SGCD: variants seen among roughly 807,000 people sequenced by gnomAD.
SGCD encodes the protein sarcoglycan delta.
A neutral mutation model predicts 36.6 loss-of-function variants in SGCD; 18 were observed. The observed-to-expected ratio is 0.49, with a 90% confidence interval of 0.34 to 0.73. The LOEUF (loss-of-function observed/expected upper bound fraction) is 0.73. Ranked by LOEUF, SGCD falls within the 30% of genes least tolerant of loss-of-function variation. The pLI, the probability that SGCD is intolerant of heterozygous loss-of-function variation, is 0.01. For synonymous variants in SGCD, 133 were observed against 130.6 expected, an observed-to-expected ratio of 1.02 and a Z score of -0.12; for missense variants, 387 against 346.7, an observed-to-expected ratio of 1.12 and a Z score of -0.92.
At chr5:156,358,333 G>A (rs1042038851) in intron 3 of SGCD, among the ~76,000 whole-genome samples, 2 of 152,150 alleles carry the variant, frequency 1.3e-5, no homozygotes, top group African/African-American at 2.4e-5. Context: ...TTGGCAGGGA[G>A]GAGACAGCAG....
chr5:155,814,698 A>G, the SGCD span, among the ~76,000 whole-genome samples: 3 of 152,222 alleles, frequency 2.0e-5, no homozygotes, highest in African/African-American at 7.2e-5. Flanking sequence ...AGGGATATCA[A>G]TACTTTAAAC....
intron 1 of SGCD, among the ~76,000 whole-genome samples, chr5:156,028,825 G>A (rs907711938): frequency 7.2e-5 from 11 of 152,138 alleles, no homozygotes; most frequent in African/African-American, 2.4e-5. Context: ...AGAGAATACA[G>A]CATGATGTCG....
At chr5:156,718,656 G>T (rs1007364010) in intron 7 of SGCD, among the ~76,000 whole-genome samples, 2 of 151,686 alleles carry the variant, frequency 1.3e-5, no homozygotes, top group South Asian at 4.2e-4. Flanking sequence ...AGGGATAATA[G>T]TAGTATCTAT....
At chr5:156,445,543 G>A (rs1753723665) in intron 3 of SGCD, among the ~76,000 whole-genome samples, 1 of 152,148 alleles carries the variant, frequency 6.6e-6, no homozygotes, top group African/African-American at 2.4e-5. Context: ...TCATGATTGA[G>A]AATGAGATGT....
At chr5:156,673,405 C>T (rs2113663903) in intron 7 of SGCD, among the ~76,000 whole-genome samples, 1 of 152,304 alleles carries the variant, frequency 6.6e-6, no homozygotes, top group African/African-American at 2.4e-5. Context: ...TTTGAAGCCC[C>T]TGGCCTACGG....
chr5:155,818,327 AG>A, the SGCD span, among the ~76,000 whole-genome samples: 1 of 152,078 alleles, frequency 6.6e-6, no homozygotes, highest in Non-Finnish European at 1.5e-5. Flanking sequence ...TATTCCAAAA[AG>A]AAAGGCCAGC....
chr5:156,418,182 A>G (rs77533129), intron 3 of SGCD, among the ~76,000 whole-genome samples: 3,095 of 152,300 alleles, frequency 0.02, 49 homozygotes, highest in Non-Finnish European at 0.031. Context: ...CGGACTCCCA[A>G]TACAGTGCCC....
chr5:156,623,662 C>T (rs554159667), intron 6 of SGCD, among the ~76,000 whole-genome samples: 1 of 152,294 alleles, frequency 6.6e-6, no homozygotes, highest in African/African-American at 2.4e-5. Flanking sequence ...TGTATTATAT[C>T]ATGGGCTTGT....
chr5:156,123,783 C>T (rs1762106065), intron 2 of SGCD: 1 of 152,034 alleles, frequency 6.6e-6, no homozygotes, highest in Non-Finnish European at 1.5e-5. Context: ...ACCAAATGGC[C>T]TTTAATTTAA....
At chr5:156,622,980 G>A (rs1762312850) in intron 6 of SGCD, among the ~76,000 whole-genome samples, 1 of 152,012 alleles carries the variant, frequency 6.6e-6, no homozygotes, top group Admixed American at 6.6e-5. Flanking sequence ...ATATTTTGGG[G>A]TAGCATGTCC....
intron 1 of SGCD, among the ~76,000 whole-genome samples, chr5:155,928,997 A>T (rs999528558): frequency 1.3e-5 from 2 of 152,160 alleles, no homozygotes; most frequent in Non-Finnish European, 2.9e-5. Flanking sequence ...AAATGTTAAA[A>T]GTAATATTTT....
chr5:155,753,885 C>T, the SGCD span, among the ~76,000 whole-genome samples: 1 of 152,168 alleles, frequency 6.6e-6, no homozygotes, highest in South Asian at 2.1e-4. Flanking sequence ...TGTTTTTTGA[C>T]CCATGTCACA....
intron 3 of SGCD, among the ~76,000 whole-genome samples, chr5:156,464,744 G>A (rs1206669163): frequency 1.3e-5 from 2 of 152,076 alleles, no homozygotes; most frequent in South Asian, 2.1e-4. Flanking sequence ...GAACGAACAT[G>A]GCTTGCACAA....
chr5:156,372,913 T>G (rs1580889687), intron 3 of SGCD, among the ~76,000 whole-genome samples: 1 of 152,076 alleles, frequency 6.6e-6, no homozygotes, highest in Non-Finnish European at 1.5e-5. Flanking sequence ...TCTTTCTAGG[T>G]GACAATCATG....
At chr5:156,460,810 T>A (rs1161373946) in intron 3 of SGCD, among the ~76,000 whole-genome samples, 6 of 152,126 alleles carry the variant, frequency 3.9e-5, no homozygotes. Context: ...ACCAAATAAG[T>A]TTTCAAAACA....
intron 6 of SGCD, among the ~76,000 whole-genome samples, chr5:156,614,760 C>T (rs765506999): frequency 2.0e-5 from 3 of 152,178 alleles, no homozygotes; most frequent in Non-Finnish European, 4.4e-5. Flanking sequence ...AAATTCCCAG[C>T]AGCCTGTACT....
At chr5:155,764,672 G>T in the SGCD span, among the ~76,000 whole-genome samples, 2 of 152,112 alleles carry the variant, frequency 1.3e-5, no homozygotes, top group Non-Finnish European at 2.9e-5. Flanking sequence ...ACCAACCTCC[G>T]CATCTGTAGG....
intron 3 of SGCD, among the ~76,000 whole-genome samples, chr5:156,234,041 C>G (rs1273110154): frequency 6.6e-6 from 1 of 152,214 alleles, no homozygotes; most frequent in Non-Finnish European, 1.5e-5. Context: ...TGCTCTACAT[C>G]CTTGTCAGCA....
intron 5 of SGCD, among the ~76,000 whole-genome samples, chr5:156,593,104 C>A (rs368533545): frequency 2.2e-4 from 33 of 152,236 alleles, no homozygotes; most frequent in Middle Eastern, 6.8e-3. Context: ...TAGATAGATA[C>A]AGTAGGCAGT....
Sources: gnomAD v4.1 joint callset for allele counts (sites outside exome capture counted in the v4.1 genomes callset) on GRCh38, gnomAD v4.1.1 for gene constraint, MANE v1.5 for transcripts, NCBI Gene and HGNC (gene_info 2026-07-23, HGNC 2026-07-21) for gene names.